The following TOR1A variants were observed in gnomAD, a reference collection of about 807,000 sequenced individuals.
The protein encoded by TOR1A is torsin family 1 member A.
TOR1A carries 18 observed loss-of-function variants against 31.4 expected under a neutral mutation model. The ratio of observed to expected loss-of-function variants is 0.57; its 90% CI spans 0.40 to 0.85. The LOEUF is 0.85. Among genes scored for constraint, TOR1A ranks in the 40% least tolerant of loss-of-function variants. The probability of loss-of-function intolerance (pLI) is 0.00; values close to 1 mark genes in which losing one functional copy is unlikely to be tolerated. For synonymous variants in TOR1A, 168 were observed against 165.9 expected (o/e 1.01, Z -0.10); for missense variants, 375 against 416.4 (o/e 0.90, Z 0.87).
chr9:129,815,413 G>A (rs552849769), intron 4 of TOR1A, among the ~76,000 whole-genome samples: 4 of 152,226 alleles, frequency 2.6e-5, no homozygotes, highest in Non-Finnish European at 4.4e-5. Flanking sequence ...ACACAGCTGA[G>A]GGCAGACGGA....
In TOR1A at chr9:129,813,835, G is replaced by A. The variant is rs1207110719; in HGVS notation, c.*137C>T. The stretch of plus-strand genomic sequence containing the variant: ...CAGGGGGTGGAAACAATGCCAGGGA[G>A]AATTCCTGTCACATCAAACAGGAAC... On this transcript the variant is annotated 3_prime_UTR_variant, in exon 5 of 5. Coordinates refer to ENST00000351698, the MANE Select transcript of TOR1A (RefSeq NM_000113.3). 1 of 1,342,112 alleles carries A rather than the reference G, an allele frequency of 7.5e-7. No individual in the cohort carries two copies. Among genetic ancestry groups the A allele is most frequent in the African/African-American group, 1.4e-5 (1 of 69,710 alleles). The allele number at this position is 1,342,112 out of a possible 1,614,324, so 83.1% of individuals were successfully genotyped here. A position where few individuals can be genotyped will look rare whatever the true frequency, so the allele number is the denominator to read the frequency against.
At chr9:129,819,185 C>T (rs2031118626) in intron 2 of TOR1A, among the ~76,000 whole-genome samples, 1 of 152,212 alleles carries the variant, frequency 6.6e-6, no homozygotes, top group Admixed American at 6.5e-5. Context: ...GACCTGAACC[C>T]AGTCCTGTCT....
At chr9:129,815,133 C>T (rs1028191083) in intron 4 of TOR1A, among the ~76,000 whole-genome samples, 3 of 152,240 alleles carry the variant, frequency 2.0e-5, no homozygotes, top group African/African-American at 7.2e-5. Flanking sequence ...GAGCTGATTC[C>T]CTTCTGGTCT....
At chr9:129,814,840 G>A (rs1278463206) in intron 4 of TOR1A, among the ~76,000 whole-genome samples, 2 of 152,102 alleles carry the variant, frequency 1.3e-5, no homozygotes, top group East Asian at 3.9e-4. Flanking sequence ...TTCAGCAGCT[G>A]GACTAGCAAC....
Position 129,813,566 on chromosome 9 carries a change from C to A in TOR1A, c.*406G>T. 3.3e-6 allele frequency: 1 copy of A among 303,034 alleles called. No individual in the cohort carries two copies. The highest frequency in any genetic ancestry group is 4.9e-5 in the Admixed American group (1 of 20,256). The allele number at this position is 303,034 out of a possible 1,614,324, so 18.8% of individuals were successfully genotyped here. ...GAGAACTTAAAAAAAAACACACACACAAGGCCAACAACTTAGAATCTGAGC... is the reference window on the plus strand; with the variant it reads ...GAGAACTTAAAAAAAAACACACACAAAAGGCCAACAACTTAGAATCTGAGC... On this transcript the variant is annotated 3_prime_UTR_variant, in exon 5 of 5. Transcript: ENST00000351698.
chr9:129,820,549 G>C (rs921923750), intron 2 of TOR1A, among the ~76,000 whole-genome samples: 1 of 152,216 alleles, frequency 6.6e-6, no homozygotes, highest in Non-Finnish European at 1.5e-5. Flanking sequence ...CACAGTTATT[G>C]TTAGTGAAGC....
At chr9:129,820,751 T>C (rs2031164768) in intron 2 of TOR1A, among the ~76,000 whole-genome samples, 1 of 152,010 alleles carries the variant, frequency 6.6e-6, no homozygotes, top group South Asian at 2.1e-4. Flanking sequence ...CATGCCACCA[T>C]GCCTGACTAA....
rs1255160448 is a variant in TOR1A, at chr9:129,813,680, G to C, written c.*292C>G. 1 of 496,924 alleles carries C rather than the reference G, an allele frequency of 2.0e-6. No homozygotes were observed. The highest frequency in any genetic ancestry group is 1.9e-5 in the African/African-American group (1 of 51,982). The allele number at this position is 496,924 out of a possible 1,614,324, so 30.8% of individuals were successfully genotyped here. On this transcript the variant is annotated 3_prime_UTR_variant, in exon 5 of 5. Coordinates refer to ENST00000351698, the MANE Select transcript of TOR1A (RefSeq NM_000113.3). ...ATCCTTCCTTGAAACAGAAACACTT[G>C]GAATTAAAACATAATTTGTAAAAAA...
At chr9:129,823,461 C>T (rs1223450443) in intron 1 of TOR1A, 2 of 271,828 alleles carry the variant, frequency 7.4e-6, no homozygotes, top group Admixed American at 5.1e-5. Flanking sequence ...TGGGATGTGA[C>T]CCCTACCCCG....
chr9:129,817,993 G>A (rs1471139489), intron 4 of TOR1A, among the ~76,000 whole-genome samples: 1 of 152,038 alleles, frequency 6.6e-6, no homozygotes, highest in South Asian at 2.1e-4. Flanking sequence ...CTCCAGCCTG[G>A]GTGACAGAGT....
Position 129,823,956 on chromosome 9 carries a change from A to AG in TOR1A, c.129dup (p.Cys44LeufsTer14). ...TGCCCGCAGCACTCGGCGAAGAGGC[A>AG]GTAGAGACGCGGGTAGATGTAGCCG... is the stretch of plus-strand genomic sequence containing the variant. On this transcript the variant is annotated frameshift_variant, in exon 1 of 5. Coordinates refer to ENST00000351698, the MANE Select transcript of TOR1A (RefSeq NM_000113.3). LOFTEE classifies it high-confidence loss of function. 1 of 1,549,462 alleles carries AG rather than the reference A, an allele frequency of 6.5e-7. No homozygotes were observed. The highest frequency in any genetic ancestry group is 8.7e-7 in the Non-Finnish European group (1 of 1,143,104).
chr9:129,819,159 T>C (rs941486001), intron 2 of TOR1A, among the ~76,000 whole-genome samples: 53 of 152,232 alleles, frequency 3.5e-4, no homozygotes, highest in African/African-American at 1.2e-3. Flanking sequence ...CCCAAGACTA[T>C]ATGTGGCAGA....
intron 4 of TOR1A, 135 bp downstream of exon 4, chr9:129,818,385 C>G (rs775860825): frequency 6.5e-5 from 90 of 1,374,610 alleles, no homozygotes; most frequent in Non-Finnish European, 9.0e-5. Flanking sequence ...CCCCTCATGA[C>G]TCGGAAGGGG....
intron 1 of TOR1A, 24 bp downstream of exon 1, chr9:129,823,884 C>T: frequency 6.5e-7 from 1 of 1,527,086 alleles, no homozygotes; most frequent in East Asian, 2.5e-5. Flanking sequence ...CCAGCCCCAG[C>T]CTCCAGCCCC....
chr9:129,823,903 C>T lies in TOR1A; in HGVS notation c.178+5G>A, dbSNP rs1367291556. 3.2e-6 allele frequency: 5 copies of T among 1,574,302 alleles called. No individual in the cohort carries two copies. Among genetic ancestry groups the T allele is most frequent in the Non-Finnish European group, 3.4e-6 (4 of 1,161,442 alleles). Reference sequence around the variant, plus strand: ...CCCCAGCCTCCAGCCCCCGCCCCAGCCTACCCTCCCGGCTAAGGCTCCGCT... The same window carrying T: ...CCCCAGCCTCCAGCCCCCGCCCCAGTCTACCCTCCCGGCTAAGGCTCCGCT... On this transcript the variant is annotated splice_donor_5th_base_variant and intron_variant, in intron 1 of 4. Coordinates refer to ENST00000351698, the MANE Select transcript of TOR1A (RefSeq NM_000113.3).
chr9:129,815,364 A>G (rs1260245209), intron 4 of TOR1A, among the ~76,000 whole-genome samples: 1 of 152,270 alleles, frequency 6.6e-6, no homozygotes, highest in Non-Finnish European at 1.5e-5. Flanking sequence ...GCTGGTTCTC[A>G]GAGGCCTGCT....
In TOR1A at chr9:129,820,750, A is replaced by G. The variant is rs550514515; in HGVS notation, c.445-1830T>C. ...GCTGGGACTACAGGTGCATGCCACC[A>G]TGCCTGACTAATTTTTTTGTATTTT... On this transcript the variant is annotated intron_variant, in intron 2 of 4. Transcript: ENST00000351698. Among the ~76,000 whole-genome samples, 5 of 152,034 alleles carry G rather than the reference A, an allele frequency of 3.3e-5. No individual in the cohort carries two copies. The South Asian group carries it at 8.3e-4, about 25-fold the overall frequency.
chr9:129,820,284 G>A (rs2031153330), intron 2 of TOR1A, among the ~76,000 whole-genome samples: 1 of 151,692 alleles, frequency 6.6e-6, no homozygotes, highest in African/African-American at 2.4e-5. Context: ...ACCACGCCCA[G>A]CTAATTTTTG....
intron 4 of TOR1A, 190 bp downstream of exon 4, chr9:129,818,330 A>G: frequency 1.2e-6 from 1 of 805,762 alleles, no homozygotes; most frequent in Non-Finnish European, 2.1e-6. Context: ...CACTTGTCAA[A>G]CATTAGTGTT....
Sources: gnomAD v4.1 joint callset for allele counts (sites outside exome capture counted in the v4.1 genomes callset) on GRCh38, gnomAD v4.1.1 for gene constraint, MANE v1.5 for transcripts, NCBI Gene and HGNC (gene_info 2026-07-23, HGNC 2026-07-21) for gene names.